The following LOC728743 variants were observed in gnomAD, a reference collection of about 807,000 sequenced individuals.
At chr7:150,402,439 G>C in the LOC728743 span, among the ~76,000 whole-genome samples, 1 of 152,208 alleles carries the variant, frequency 6.6e-6, no homozygotes, top group African/African-American at 2.4e-5. Flanking sequence ...CAAACCCTTG[G>C]GGGCCATCTT....
the LOC728743 span, chr7:150,405,581 T>C: frequency 2.3e-5 from 1 of 43,178 alleles, no homozygotes; most frequent in Non-Finnish European, 4.5e-5. Flanking sequence ...TCGGGCGGGG[T>C]GGGTTGCGGC....
chr7:150,403,426 G>A, the LOC728743 span, among the ~76,000 whole-genome samples: 1 of 152,154 alleles, frequency 6.6e-6, no homozygotes, highest in African/African-American at 2.4e-5. This position sits in a 1 kb window ranked among gnomAD's most constrained non-coding sequence, Gnocchi z 5.1. Context: ...CTAAAAATAT[G>A]GGAGACATCC....
chr7:150,408,113 T>C, the LOC728743 span: 1 of 382,058 alleles, frequency 2.6e-6, no homozygotes. Context: ...GCCCTACTTC[T>C]GCCCCCGCTG....
the LOC728743 span, chr7:150,410,109 G>A: frequency 3.0e-5 from 12 of 398,634 alleles, no homozygotes; most frequent in Admixed American, 4.4e-5. Flanking sequence ...GCTGGGCAGG[G>A]CCATGTCACG....
chr7:150,411,591 T>C, the LOC728743 span: 2 of 152,458 alleles, frequency 1.3e-5, no homozygotes, highest in African/African-American at 4.8e-5. Context: ...GGGCAGCCTG[T>C]GGATCCCTGC....
At chr7:150,410,739 A>G in the LOC728743 span, 2 of 152,218 alleles carry the variant, frequency 1.3e-5, no homozygotes, top group African/African-American at 4.8e-5. Context: ...ACTGACGTAG[A>G]CTCAAAAACC....
the LOC728743 span, chr7:150,408,420 C>A: frequency 2.8e-6 from 1 of 355,032 alleles, no homozygotes; most frequent in Non-Finnish European, 5.0e-6. Flanking sequence ...GACCCTCTGG[C>A]TGGCTGCGCA....
At chr7:150,402,978 CGCCTTGGTTGTGGGCAGTCCAG>C in the LOC728743 span, among the ~76,000 whole-genome samples, 1 of 152,178 alleles carries the variant, frequency 6.6e-6, no homozygotes, top group Non-Finnish European at 1.5e-5. Flanking sequence ...TTCTCCAGGA[CGCCTTGGTTGTGGGCAGTCCAG>C]GCCTTTGTTA....
At chr7:150,408,549 C>G in the LOC728743 span, 202,318 of 217,756 alleles carry the variant, frequency 0.93, 94,387 homozygotes, top group Non-Finnish European at 0.97. Context: ...GGGTGGAGTG[C>G]GTGGTGTTGA....
chr7:150,408,383 G>A, the LOC728743 span: 2 of 362,334 alleles, frequency 5.5e-6, no homozygotes, highest in African/African-American at 2.1e-5. Flanking sequence ...GCCAGGCTCC[G>A]GCCGCCCGCT....
At chr7:150,401,805 C>T in the LOC728743 span, among the ~76,000 whole-genome samples, 1 of 152,192 alleles carries the variant, frequency 6.6e-6, no homozygotes, top group Non-Finnish European at 1.5e-5. Flanking sequence ...GCTTGTACGG[C>T]TGAGGAACTG....
At chr7:150,411,055 G>C in the LOC728743 span, 1 of 152,338 alleles carries the variant, frequency 6.6e-6, no homozygotes, top group Non-Finnish European at 1.5e-5. Context: ...GAGGTCCCTT[G>C]GGCTAGATTT....
the LOC728743 span, chr7:150,407,533 C>G: frequency 2.5e-6 from 1 of 398,110 alleles, no homozygotes; most frequent in South Asian, 1.3e-4. Context: ...TCGTGTTCCC[C>G]GACCCCTCTC....
chr7:150,406,623 C>G, the LOC728743 span, among the ~76,000 whole-genome samples: 1 of 152,190 alleles, frequency 6.6e-6, no homozygotes, highest in Non-Finnish European at 1.5e-5. Flanking sequence ...GCTCAATAAC[C>G]CTGCTCCGCC....
chr7:150,406,521 G>A, the LOC728743 span, among the ~76,000 whole-genome samples: 1 of 152,164 alleles, frequency 6.6e-6, no homozygotes, highest in South Asian at 2.1e-4. Flanking sequence ...TGAGACAGGA[G>A]ACTTAAGGCC....
chr7:150,402,698 T>A, the LOC728743 span, among the ~76,000 whole-genome samples: 1 of 151,992 alleles, frequency 6.6e-6, no homozygotes, highest in Non-Finnish European at 1.5e-5. Flanking sequence ...AGATGGGAGA[T>A]GGGAGAGGCT....
the LOC728743 span, chr7:150,407,900 C>A: frequency 7.2e-6 from 3 of 418,506 alleles, no homozygotes; most frequent in Non-Finnish European, 1.3e-5. Context: ...GCGGCCCTTC[C>A]CCTGCCCCGA....
chr7:150,404,574 A>AGGCAAAGTTATGTC, the LOC728743 span: 1 of 152,288 alleles, frequency 6.6e-6, no homozygotes, highest in Non-Finnish European at 1.5e-5. Flanking sequence ...GCTTTGTAAA[A>AGGCAAAGTTATGTC]GGCAAAGTTA....
chr7:150,408,530 G>T, the LOC728743 span: 2 of 251,318 alleles, frequency 8.0e-6, no homozygotes, highest in Non-Finnish European at 7.6e-6. Flanking sequence ...TCAGGGCTGG[G>T]AGTGGTGGGG....
Sources: allele counts gnomAD v4.1 joint callset (sites outside exome capture counted in the v4.1 genomes callset), GRCh38; gene constraint gnomAD v4.1.1; non-coding constraint Gnocchi (gnomAD v3.1); transcripts MANE v1.5.